Variants in DACT2 observed in about 807,000 individuals in gnomAD.
DACT2 encodes dishevelled binding antagonist of beta catenin 2.
A neutral mutation model predicts 22.2 loss-of-function variants in DACT2; 20 were observed. That is an observed-to-expected ratio of 0.90 (90% CI 0.63 to 1.31). The LOEUF is 1.31. Ranked by LOEUF, DACT2 falls within the 50% of genes most tolerant of loss-of-function variation. DACT2 has a pLI of 0.00. For synonymous variants in DACT2, 463 were observed against 479.8 expected (o/e 0.96, Z 0.46); for missense variants, 1,048 against 1,061.4 (o/e 0.99, Z 0.18).
downstream of DACT2, among the ~76,000 whole-genome samples, chr6:168,305,677 C>T (rs368390204): frequency 5.9e-5 from 9 of 152,180 alleles, no homozygotes; most frequent in East Asian, 1.2e-3. Context: ...ACTCAGGCTA[C>T]GGGGCTGTCG....
chr6:168,296,450 C>T (rs544460735), intron 3 of DACT2, among the ~76,000 whole-genome samples: 13 of 147,490 alleles, frequency 8.8e-5, no homozygotes, highest in South Asian at 2.2e-4. Context: ...CCATCCACAG[C>T]GGTGAGGAGA....
Position 168,311,563 on chromosome 6 carries a change from C to CCCAT in DACT2, c.247-280_247-279insATGG, listed in dbSNP as rs1562498443. Among the ~76,000 whole-genome samples, 66 of 142,718 alleles carry CCCAT rather than the reference C, an allele frequency of 4.6e-4. 2 individuals are homozygous for CCCAT. Among genetic ancestry groups the CCCAT allele is most frequent in the African/African-American group, 1.5e-3 (54 of 35,174 alleles). 93.6% of individuals were successfully genotyped at this position (142,718 alleles called of 152,430 possible). ...ATCCACACACACATACACACACTCA[C>CCCAT]ACACAAACACACACACCCATCCACA... On this transcript the variant is annotated intron_variant, in intron 1 of 3. Coordinates refer to ENST00000366795, the MANE Select transcript of DACT2 (RefSeq NM_214462.5).
At chr6:168,310,079 C>T in intron 3 of DACT2, 89 bp downstream of exon 3, 2 of 1,506,486 alleles carry the variant, frequency 1.3e-6, no homozygotes, top group South Asian at 1.3e-5. Flanking sequence ...CGTGTAGGGT[C>T]CCCGGCTCTG....
At chr6:168,313,880 A>G (rs1779483571) in intron 1 of DACT2, among the ~76,000 whole-genome samples, 1 of 152,022 alleles carries the variant, frequency 6.6e-6, no homozygotes, top group Non-Finnish European at 1.5e-5. Flanking sequence ...CTGGTTTCTG[A>G]TTAATGGTCG....
intron 1 of DACT2, among the ~76,000 whole-genome samples, chr6:168,318,576 T>C (rs1056978579): frequency 6.6e-6 from 1 of 152,230 alleles, no homozygotes; most frequent in African/African-American, 2.4e-5. Context: ...CCTTTTTAGT[T>C]TGTCTTTAAG....
At position 168,307,070 on chromosome 6, in the gene DACT2, T is replaced by G. The variant is rs2114902272; in HGVS notation, c.*362A>C. On this transcript the variant is annotated 3_prime_UTR_variant, in exon 4 of 4. Coordinates refer to ENST00000366795, the MANE Select transcript of DACT2 (RefSeq NM_214462.5). The surrounding 1 kb of genome is among the most constrained non-coding windows in gnomAD (Gnocchi z 5.3). ...TTTTGGGGAGGAATGGTCAAAGGAT[T>G]GGGAAACACTTCCCCAGCCAGAGGG... is the stretch of plus-strand genomic sequence containing the variant. 1 of 1,048,734 alleles carries G rather than the reference T, an allele frequency of 9.5e-7. No individual in the cohort carries two copies. Among genetic ancestry groups the G allele is most frequent in the Non-Finnish European group, 1.1e-6 (1 of 870,078 alleles). The allele number at this position is 1,048,734 out of a possible 1,614,324, so 65.0% of individuals were successfully genotyped here. A position where few individuals can be genotyped will look rare whatever the true frequency, so the allele number is the denominator to read the frequency against.
At chr6:168,294,561 ATGTGTG>A (rs200833162) in intron 4 of DACT2, 133 of 430,902 alleles carry the variant, frequency 3.1e-4, no homozygotes, top group African/African-American at 2.0e-3. Context: ...GTGTGTGTGT[ATGTGTG>A]TGTGTGTGTG....
chr6:168,315,392 ACAAGTTT>A (rs1779517853), intron 1 of DACT2, among the ~76,000 whole-genome samples: 1 of 152,118 alleles, frequency 6.6e-6, no homozygotes, highest in Non-Finnish European at 1.5e-5. Context: ...CTTGGGAACG[ACAAGTTT>A]CCTCACAGAC....
At chr6:168,293,901 T>C in exon 6 of DACT2, 1 of 703,416 alleles carries the variant, frequency 1.4e-6, no homozygotes, top group South Asian at 1.5e-5. Context: ...CTGTCATTGC[T>C]GTCTTGAAAT....
At chr6:168,306,426 C>A (rs1298928521), downstream of DACT2, among the ~76,000 whole-genome samples, 1 of 151,540 alleles carries the variant, frequency 6.6e-6, no homozygotes, top group Non-Finnish European at 1.5e-5. Context: ...TTCTTTTCCC[C>A]AAAACACTTT....
At chr6:168,294,577 G>GTGTGTATATATATATATA (rs1177617130) in intron 4 of DACT2, 1,350 of 123,880 alleles carry the variant, frequency 0.011, 13 homozygotes, top group Non-Finnish European at 0.013. Flanking sequence ...GTGTGTGTGT[G>GTGTGTATATATATATATA]TATATATATA....
At position 168,308,746 on chromosome 6, in the gene DACT2, CAACCTGTCGAT is replaced by C. The variant is rs1779305870; in HGVS notation, c.1000_1010del (p.Ile334AlafsTer13). 1.3e-6 allele frequency: 2 copies of C among 1,551,382 alleles called. No individual in the cohort carries two copies. The highest frequency in any genetic ancestry group is 1.7e-6 in the Non-Finnish European group (2 of 1,147,046). On this transcript the variant is annotated frameshift_variant, in exon 4 of 4. Transcript: ENST00000366795. LOFTEE classifies it low-confidence loss of function (END_TRUNC). The stretch of plus-strand genomic sequence containing the variant: ...GGGTCTCCCGGCCCCACAGATGCAG[CAACCTGTCGAT>C]ATAAGCTCTGGCCCTGGCCGGGCCA...
chr6:168,313,448 T>C (rs1052928176), intron 1 of DACT2, among the ~76,000 whole-genome samples: 2 of 152,208 alleles, frequency 1.3e-5, no homozygotes, highest in East Asian at 1.9e-4. Flanking sequence ...GTAAACATAC[T>C]GGCTCCTTAC....
chr6:168,309,140 G>A (rs993000560), intron 3 of DACT2, 42 bp from the exon 4 acceptor site: 24 of 1,467,122 alleles, frequency 1.6e-5, no homozygotes, highest in Non-Finnish European at 2.1e-5. Context: ...CTACGGAGAC[G>A]ATTTAGTGCA....
At chr6:168,298,495 T>C (rs1301410002) in intron 3 of DACT2, 1 of 152,230 alleles carries the variant, frequency 6.6e-6, no homozygotes, top group Non-Finnish European at 1.5e-5. Flanking sequence ...TTAGTGGTGG[T>C]ATATCATCCT....
chr6:168,293,845 G>A, exon 6 of DACT2: 1 of 702,856 alleles, frequency 1.4e-6, no homozygotes. Flanking sequence ...CCGACTTCCA[G>A]CCTGTGACTG....
downstream of DACT2, among the ~76,000 whole-genome samples, chr6:168,306,602 C>G (rs1779212308): frequency 6.9e-6 from 1 of 143,980 alleles, no homozygotes; most frequent in African/African-American, 2.7e-5. Flanking sequence ...GTCACCAAAC[C>G]CAGCTATTTT....
At chr6:168,314,049 T>G (rs1179831934) in intron 1 of DACT2, among the ~76,000 whole-genome samples, 1 of 152,132 alleles carries the variant, frequency 6.6e-6, no homozygotes, top group Non-Finnish European at 1.5e-5. Context: ...AACTTGGGGT[T>G]TGTTTGACTG....
intron 3 of DACT2, chr6:168,298,923 A>C (rs914258189): frequency 6.6e-6 from 1 of 152,220 alleles, no homozygotes; most frequent in African/African-American, 2.4e-5. Context: ...CAGGATTGTC[A>C]TGGGCACCAG....
Sources: allele counts gnomAD v4.1 joint callset (sites outside exome capture counted in the v4.1 genomes callset), GRCh38; gene constraint gnomAD v4.1.1; non-coding constraint Gnocchi (gnomAD v3.1); transcripts MANE v1.5; gene names NCBI Gene and HGNC (gene_info 2026-07-23, HGNC 2026-07-21).